MTDH: variants seen among roughly 807,000 people sequenced by gnomAD.
The protein encoded by MTDH is protein LYRIC.
A neutral mutation model predicts 72.7 loss-of-function variants in MTDH; 34 were observed. The ratio of observed to expected loss-of-function variants is 0.47; its 90% CI spans 0.36 to 0.62. MTDH has a LOEUF of 0.62. MTDH is among the 20% of genes least tolerant of loss of function. The pLI is 0.00. For synonymous variants in MTDH, 266 were observed against 268.9 expected (o/e 0.99, Z 0.10); for missense variants, 677 against 699.4 (o/e 0.97, Z 0.36).
chr8:97,687,197 A>G (rs948167417), intron 3 of MTDH, among the ~76,000 whole-genome samples: 1 of 152,188 alleles, frequency 6.6e-6, no homozygotes, highest in Non-Finnish European at 1.5e-5. Context: ...TAAACCATAG[A>G]TGACAGATTT....
At chr8:97,663,643 G>A (rs1255299915) in intron 2 of MTDH, among the ~76,000 whole-genome samples, 1 of 151,304 alleles carries the variant, frequency 6.6e-6, no homozygotes, top group African/African-American at 2.4e-5. Flanking sequence ...CAGCTACTAG[G>A]GAGGCTGAGG....
intron 9 of MTDH, among the ~76,000 whole-genome samples, chr8:97,715,988 ATT>A (rs545013660): frequency 6.9e-6 from 1 of 145,168 alleles, no homozygotes. Context: ...TTGTTCTGTC[ATT>A]TTTTTTTTTT....
rs1815479844 is a variant in MTDH, at chr8:97,729,515, AGAG to A, written c.*4846_*4848del. On this transcript the variant is annotated 3_prime_UTR_variant, in exon 12 of 12. Coordinates refer to ENST00000336273, the MANE Select transcript of MTDH (RefSeq NM_178812.4). ...ATGGGCACCTCTAACAGTGTCTGTC[AGAG>A]TTGACATACATTGTGTATCTCCTGC... 6.6e-6 allele frequency among the ~76,000 whole-genome samples: 1 copy of A among 152,198 alleles called. No individual in the cohort carries two copies. Among genetic ancestry groups the A allele is most frequent in the Non-Finnish European group, 1.5e-5 (1 of 68,028 alleles).
intron 2 of MTDH, among the ~76,000 whole-genome samples, chr8:97,665,752 AG>A (rs1299090118): frequency 3.5e-4 from 53 of 152,358 alleles, no homozygotes; most frequent in African/African-American, 1.2e-3. Flanking sequence ...TGGTCAAGAT[AG>A]GGTAGGGATG....
chr8:97,652,190 TG>T (rs1164811217), intron 1 of MTDH, among the ~76,000 whole-genome samples: 2 of 152,230 alleles, frequency 1.3e-5, no homozygotes, highest in African/African-American at 4.8e-5. Context: ...TAGTAGCTTT[TG>T]CATTTAAAAT....
intron 2 of MTDH, among the ~76,000 whole-genome samples, chr8:97,663,685 C>CT (rs767124998): frequency 2.3e-5 from 3 of 130,322 alleles, no homozygotes; most frequent in Non-Finnish European, 4.5e-5. Flanking sequence ...GGAAGTGCAG[C>CT]TTGCAGTAAG....
chr8:97,651,309 G>A (rs1811764909), intron 1 of MTDH, among the ~76,000 whole-genome samples: 1 of 152,148 alleles, frequency 6.6e-6, no homozygotes, highest in Non-Finnish European at 1.5e-5. Context: ...CCTGAACAAA[G>A]CTTATCTAAT....
At chr8:97,698,553 T>C (rs1271699935) in intron 6 of MTDH, among the ~76,000 whole-genome samples, 1 of 152,170 alleles carries the variant, frequency 6.6e-6, no homozygotes, top group Non-Finnish European at 1.5e-5. Context: ...CAGACAAAAC[T>C]TATGAGATAA....
intron 9 of MTDH, among the ~76,000 whole-genome samples, chr8:97,714,760 A>C (rs1199665056): frequency 2.6e-5 from 4 of 152,168 alleles, no homozygotes; most frequent in African/African-American, 9.6e-5. Context: ...TGTAGGAGAC[A>C]GGGAACCGCA....
chr8:97,708,203 G>A (rs544058118), intron 8 of MTDH, among the ~76,000 whole-genome samples: 82 of 145,188 alleles, frequency 5.6e-4, no homozygotes, highest in African/African-American at 1.9e-3. Flanking sequence ...GACCTCAAGT[G>A]ATCCACCTGC....
At chr8:97,683,211 C>T (rs536937703) in intron 2 of MTDH, among the ~76,000 whole-genome samples, 1 of 150,920 alleles carries the variant, frequency 6.6e-6, no homozygotes, top group East Asian at 2.0e-4. Context: ...ACTACAGGCA[C>T]GTGCCACCAC....
chr8:97,650,932 C>T (rs77878380), intron 1 of MTDH, among the ~76,000 whole-genome samples: 1 of 152,112 alleles, frequency 6.6e-6, no homozygotes, highest in Non-Finnish European at 1.5e-5. Context: ...CTAATATCAC[C>T]ATTTCATTTG....
chr8:97,695,624 T>C (rs908293616), intron 6 of MTDH, among the ~76,000 whole-genome samples: 7 of 152,144 alleles, frequency 4.6e-5, no homozygotes, highest in Non-Finnish European at 1.0e-4. Context: ...CTCATGGAGG[T>C]TTACGTTCTT....
At chr8:97,711,338 A>T (rs78676273) in intron 8 of MTDH, among the ~76,000 whole-genome samples, 2 of 80,770 alleles carry the variant, frequency 2.5e-5, no homozygotes, top group African/African-American at 3.6e-5. Context: ...ATCTCTAATT[A>T]AAAAAAAAAA....
intron 2 of MTDH, among the ~76,000 whole-genome samples, chr8:97,681,640 T>C (rs1021326203): frequency 6.6e-6 from 1 of 151,752 alleles, no homozygotes; most frequent in African/African-American, 2.4e-5. Context: ...ATTACAGGCA[T>C]GCACCAGCAC....
intron 1 of MTDH, among the ~76,000 whole-genome samples, chr8:97,647,276 C>A (rs899626642): frequency 7.4e-4 from 112 of 152,296 alleles, no homozygotes; most frequent in African/African-American, 2.5e-3. Flanking sequence ...ATTAATGATA[C>A]AACTGGATGT....
intron 3 of MTDH, 31 bp downstream of exon 3, chr8:97,686,783 A>AT: frequency 1.4e-6 from 2 of 1,472,014 alleles, no homozygotes; most frequent in South Asian, 1.3e-5. Flanking sequence ...ACTGTAGAAA[A>AT]TTTTTTAATC....
At chr8:97,722,846 C>CA (rs759722318) in intron 10 of MTDH, 33 bp from the exon 11 acceptor site, 2 of 1,570,850 alleles carry the variant, frequency 1.3e-6, no homozygotes, top group Non-Finnish European at 1.7e-6. Flanking sequence ...AAAATTTCAC[C>CA]AAAAAACCTG....
chr8:97,652,672 ATC>A (rs1405781941), intron 1 of MTDH, among the ~76,000 whole-genome samples: 8 of 152,190 alleles, frequency 5.3e-5, no homozygotes, highest in Non-Finnish European at 1.2e-4. Context: ...TAATTGGATA[ATC>A]TGTTATTGAG....
Sources: gnomAD v4.1 joint callset for allele counts (sites outside exome capture counted in the v4.1 genomes callset) on GRCh38, gnomAD v4.1.1 for gene constraint, MANE v1.5 for transcripts, NCBI Gene and HGNC (gene_info 2026-07-23, HGNC 2026-07-21) for gene names.